GTF2A1L: variants seen among roughly 807,000 people sequenced by gnomAD.
GTF2A1L encodes the protein TFIIA-alpha and beta-like factor.
GTF2A1L carries 48 observed loss-of-function variants against 49.7 expected under a neutral mutation model. The observed-to-expected ratio is 0.97, with a 90% CI of 0.77 to 1.23. The LOEUF is 1.23. Ranked by LOEUF, GTF2A1L falls within the 50% of genes most tolerant of loss-of-function variation. GTF2A1L has a pLI of 0.00. For missense variants in GTF2A1L, 736 were observed against 564.8 expected, an observed-to-expected ratio of 1.30 and a Z score of -3.07; for synonymous variants, 246 against 193.5, an observed-to-expected ratio of 1.27 and a Z score of -2.25.
In GTF2A1L at chr2:48,656,348, G is replaced by GTTTTT. The variant is rs367837291; in HGVS notation, c.978+9331_978+9335dup. Among the ~76,000 whole-genome samples, 80 of 114,502 alleles carry GTTTTT rather than the reference G, an allele frequency of 7.0e-4. 2 individuals carry two copies. The highest frequency in any genetic ancestry group is 2.1e-3 in the African/African-American group (60 of 28,684). The allele number at this position is 114,502 out of a possible 152,430, so 75.1% of individuals were successfully genotyped here. A position where few individuals can be genotyped will look rare whatever the true frequency, so the allele number is the denominator to read the frequency against. Reference sequence around the variant, plus strand: ...ATATCCCCACCAACGCTTATTTTCTGTTTTTTTTTTTTTTTTTTTTTTTTT... The same window carrying GTTTTT: ...ATATCCCCACCAACGCTTATTTTCTGTTTTTTTTTTTTTTTTTTTTTTTTTTTTTT... On this transcript the variant is annotated intron_variant, in intron 6 of 8. Coordinates refer to ENST00000403751, the MANE Select transcript of GTF2A1L (RefSeq NM_006872.5).
intron 3 of GTF2A1L, among the ~76,000 whole-genome samples, chr2:48,637,543 C>T (rs755141402): frequency 2.0e-4 from 30 of 151,992 alleles, no homozygotes; most frequent in Admixed American, 3.9e-4. Flanking sequence ...AAATTAAGAA[C>T]GTAACATCAC....
rs573605056 is a variant in GTF2A1L at position 48,658,476 on chromosome 2, C to T, written c.979-11246C>T. On this transcript the variant is annotated intron_variant, in intron 6 of 8. Coordinates refer to ENST00000403751, the MANE Select transcript of GTF2A1L (RefSeq NM_006872.5). Reference sequence around the variant, plus strand: ...ATTGGTCTATGTGTCTGTTTTTGTACCAGTGCTATGCTGCTTTGGTTACTG... The same window carrying T: ...ATTGGTCTATGTGTCTGTTTTTGTATCAGTGCTATGCTGCTTTGGTTACTG... 4.6e-5 allele frequency among the ~76,000 whole-genome samples: 7 copies of T among 152,250 alleles called. No individual in the cohort carries two copies. The East Asian group carries it at 1.3e-3, about 29-fold the overall frequency.
At chr2:48,617,955 G>A (rs748169357) in intron 1 of GTF2A1L, 60 bp downstream of exon 1, 200 of 1,491,510 alleles carry the variant, frequency 1.3e-4, no homozygotes, top group Non-Finnish European at 1.8e-4. Context: ...GTTCACGGCA[G>A]CCGAACCCTG....
At chr2:48,665,203 C>G (rs116572905) in intron 6 of GTF2A1L, among the ~76,000 whole-genome samples, 52 of 151,702 alleles carry the variant, frequency 3.4e-4, no homozygotes, top group South Asian at 2.9e-3. Context: ...ATTACGGGTG[C>G]GAGCCACCCT....
chr2:48,665,841 G>A (rs1558764288), intron 6 of GTF2A1L, among the ~76,000 whole-genome samples: 2 of 152,022 alleles, frequency 1.3e-5, no homozygotes, highest in East Asian at 1.9e-4. Flanking sequence ...CATTGTCCAG[G>A]GTTTCCATAT....
At chr2:48,670,875 G>C (rs2104307072) in intron 7 of GTF2A1L, among the ~76,000 whole-genome samples, 1 of 152,194 alleles carries the variant, frequency 6.6e-6, no homozygotes, top group Non-Finnish European at 1.5e-5. Context: ...CCAGGCTGGA[G>C]TGCAGTGGTG....
intron 1 of GTF2A1L, among the ~76,000 whole-genome samples, chr2:48,619,582 G>A (rs561929372): frequency 6.6e-6 from 1 of 152,172 alleles, no homozygotes; most frequent in African/African-American, 2.4e-5. Context: ...AATAGGGTAG[G>A]ATGAAAAGGC....
chr2:48,664,793 T>C (rs1678720252), intron 6 of GTF2A1L, among the ~76,000 whole-genome samples: 1 of 152,230 alleles, frequency 6.6e-6, no homozygotes, highest in Non-Finnish European at 1.5e-5. Context: ...GTTGATAATA[T>C]ATTATTTTAA....
chr2:48,676,363 A>G (rs1457944132), intron 8 of GTF2A1L, among the ~76,000 whole-genome samples: 1 of 151,794 alleles, frequency 6.6e-6, no homozygotes, highest in Non-Finnish European at 1.5e-5. Flanking sequence ...AAATCCCCAG[A>G]AATGGGATTC....
chr2:48,674,227 C>T (rs919456801), intron 8 of GTF2A1L, among the ~76,000 whole-genome samples: 1 of 152,074 alleles, frequency 6.6e-6, no homozygotes, highest in South Asian at 2.1e-4. Flanking sequence ...TAGCAGTGTT[C>T]GAGGGTTTCA....
At chr2:48,676,454 G>C (rs1306164795) in intron 8 of GTF2A1L, among the ~76,000 whole-genome samples, 2 of 151,776 alleles carry the variant, frequency 1.3e-5, no homozygotes. Context: ...AAGATGAAAA[G>C]TGATACCTTG....
At chr2:48,676,920 T>C (rs1415988761) in intron 8 of GTF2A1L, among the ~76,000 whole-genome samples, 2 of 144,130 alleles carry the variant, frequency 1.4e-5, no homozygotes, top group African/African-American at 5.0e-5. Flanking sequence ...TGGTTTCAAC[T>C]TTTTATTTTT....
intron 3 of GTF2A1L, among the ~76,000 whole-genome samples, chr2:48,634,206 G>C (rs542119961): frequency 6.6e-6 from 1 of 152,120 alleles, no homozygotes; most frequent in African/African-American, 2.4e-5. Context: ...TTCGTCTCCG[G>C]GTTCAAGAGG....
chr2:48,641,496 A>G (rs941479077), intron 3 of GTF2A1L, among the ~76,000 whole-genome samples: 1 of 152,208 alleles, frequency 6.6e-6, no homozygotes, highest in African/African-American at 2.4e-5. Flanking sequence ...AAAACAGGCC[A>G]TAATAAATAT....
chr2:48,643,693 ATTTTTTTTT>A (rs71399070), intron 4 of GTF2A1L, among the ~76,000 whole-genome samples: 1 of 120,786 alleles, frequency 8.3e-6, no homozygotes, highest in Non-Finnish European at 1.7e-5. Context: ...TATTAATACA[ATTTTTTTTT>A]TTTTTTTTTT....
At chr2:48,672,759 C>A (rs947737624) in intron 8 of GTF2A1L, among the ~76,000 whole-genome samples, 1 of 152,192 alleles carries the variant, frequency 6.6e-6, no homozygotes, top group African/African-American at 2.4e-5. Flanking sequence ...TATTTATATT[C>A]TTAAAGTGGC....
At chr2:48,636,817 C>T (rs963276627) in intron 3 of GTF2A1L, among the ~76,000 whole-genome samples, 5 of 151,990 alleles carry the variant, frequency 3.3e-5, no homozygotes, top group Non-Finnish European at 5.9e-5. Context: ...CTGGGACTGT[C>T]CTGGGCAAAT....
At chr2:48,647,544 A>G (rs757083557) in intron 6 of GTF2A1L, among the ~76,000 whole-genome samples, 6 of 152,088 alleles carry the variant, frequency 3.9e-5, no homozygotes, top group Non-Finnish European at 8.8e-5. Context: ...GTTTTGAGAT[A>G]ATTAATTATC....
chr2:48,642,816 A>G (rs1677274223), intron 4 of GTF2A1L, among the ~76,000 whole-genome samples: 1 of 151,782 alleles, frequency 6.6e-6, no homozygotes, highest in Non-Finnish European at 1.5e-5. Flanking sequence ...AGATCATGCC[A>G]TTGCACTCCA....
Sources: gnomAD v4.1 joint callset for allele counts (sites outside exome capture counted in the v4.1 genomes callset) on GRCh38, gnomAD v4.1.1 for gene constraint, MANE v1.5 for transcripts, NCBI Gene and HGNC (gene_info 2026-07-23, HGNC 2026-07-21) for gene names.